Variants in TENM2 observed in about 807,000 individuals in gnomAD.
TENM2 encodes the protein teneurin-2.
A neutral mutation model predicts 245.2 loss-of-function variants in TENM2; 52 were observed. The ratio of observed to expected loss-of-function variants is 0.21; its 90% confidence interval spans 0.17 to 0.27. The LOEUF (loss-of-function observed/expected upper bound fraction) is 0.27, where lower values mean the gene tolerates loss of function less well. Ranked by LOEUF, TENM2 falls within the 10% of genes least tolerant of loss-of-function variation. The pLI is 1.00. For missense variants in TENM2, 3,046 were observed against 3,666.8 expected, an observed-to-expected ratio of 0.83 and a Z score of 4.37; for synonymous variants, 1,363 against 1,438.9, an observed-to-expected ratio of 0.95 and a Z score of 1.19.
At chr5:168,001,256 G>A (rs903639500) in intron 5 of TENM2, among the ~76,000 whole-genome samples, 1 of 152,170 alleles carries the variant, frequency 6.6e-6, no homozygotes, top group African/African-American at 2.4e-5. Context: ...TGGTTAGGGG[G>A]CCATGTAAGC....
At chr5:167,754,523 T>C (rs1762162684) in intron 2 of TENM2, among the ~76,000 whole-genome samples, 1 of 152,074 alleles carries the variant, frequency 6.6e-6, no homozygotes, top group Admixed American at 6.5e-5. Flanking sequence ...GCGCACATGG[T>C]TTCAAATAAG....
At chr5:167,184,727 C>G in the TENM2 span, among the ~76,000 whole-genome samples, 7 of 152,044 alleles carry the variant, frequency 4.6e-5, no homozygotes, top group East Asian at 1.4e-3. Context: ...TGCTGCCTGA[C>G]CTACACTGAT....
intron 2 of TENM2, among the ~76,000 whole-genome samples, chr5:167,607,224 AC>A (rs1777119188): frequency 6.6e-6 from 1 of 152,122 alleles, no homozygotes; most frequent in African/African-American, 2.4e-5. Flanking sequence ...CAATATGGTG[AC>A]AAATGGCAGC....
At chr5:168,259,227 G>A (rs1305754152) in intron 27 of TENM2, among the ~76,000 whole-genome samples, 2 of 152,156 alleles carry the variant, frequency 1.3e-5, no homozygotes, top group African/African-American at 4.8e-5. Context: ...AGGACTTGAT[G>A]TTGGCCTGTG....
the TENM2 span, among the ~76,000 whole-genome samples, chr5:167,085,148 A>G: frequency 1.3e-5 from 2 of 152,220 alleles, no homozygotes; most frequent in African/African-American, 4.8e-5. Flanking sequence ...AAATTTGAAT[A>G]TGCTCTGAAG....
chr5:168,105,378 G>C (rs1794159584), intron 9 of TENM2, among the ~76,000 whole-genome samples: 5 of 152,116 alleles, frequency 3.3e-5, no homozygotes, highest in Admixed American at 3.3e-4. Context: ...AAAAGGCATG[G>C]GGGTATTTTA....
chr5:167,258,424 G>A, the TENM2 span, among the ~76,000 whole-genome samples: 6 of 151,920 alleles, frequency 3.9e-5, no homozygotes, highest in Non-Finnish European at 5.9e-5. Flanking sequence ...CAGATGCTGT[G>A]GTAAATGGTT....
chr5:167,004,937 C>T, the TENM2 span, among the ~76,000 whole-genome samples: 2 of 152,220 alleles, frequency 1.3e-5, no homozygotes, highest in South Asian at 4.1e-4. Context: ...TTTGAACTGA[C>T]TTTACTTTCC....
the TENM2 span, among the ~76,000 whole-genome samples, chr5:167,070,487 G>T: frequency 6.6e-6 from 1 of 151,814 alleles, no homozygotes; most frequent in Non-Finnish European, 1.5e-5. Context: ...TGACAGTTTG[G>T]AAAGTAGTGG....
intron 1 of TENM2, among the ~76,000 whole-genome samples, chr5:167,325,077 T>C (rs980619258): frequency 2.0e-5 from 3 of 152,164 alleles, no homozygotes; most frequent in African/African-American, 7.2e-5. Flanking sequence ...TCTTTTAATC[T>C]CTTAAACTGA....
At chr5:167,543,316 C>T (rs1772336887) in intron 2 of TENM2, among the ~76,000 whole-genome samples, 1 of 152,062 alleles carries the variant, frequency 6.6e-6, no homozygotes, top group African/African-American at 2.4e-5. Context: ...ATCTGTGACA[C>T]CTTCTATTGG....
intron 2 of TENM2, among the ~76,000 whole-genome samples, chr5:167,417,596 C>G (rs1763236244): frequency 6.6e-6 from 1 of 152,132 alleles, no homozygotes; most frequent in Admixed American, 6.6e-5. Flanking sequence ...GTGCCAGGTA[C>G]TGTGCTAAGT....
the TENM2 span, among the ~76,000 whole-genome samples, chr5:167,237,310 T>G: frequency 1.3e-5 from 2 of 152,202 alleles, no homozygotes; most frequent in East Asian, 3.9e-4. Context: ...GTCTTGCATT[T>G]GGAATATTCA....
intron 25 of TENM2, among the ~76,000 whole-genome samples, chr5:168,238,258 A>AGAGAAG (rs1765753147): frequency 6.9e-6 from 1 of 145,604 alleles, no homozygotes; most frequent in African/African-American, 2.7e-5. Flanking sequence ...AGAAAAGAAA[A>AGAGAAG]GAAAAGAAAA....
At chr5:167,251,497 G>A in the TENM2 span, among the ~76,000 whole-genome samples, 1 of 152,114 alleles carries the variant, frequency 6.6e-6, no homozygotes, top group Non-Finnish European at 1.5e-5. Context: ...AATTAGGCAA[G>A]GGCAAGCAGT....
chr5:167,008,366 G>A, the TENM2 span, among the ~76,000 whole-genome samples: 1 of 152,116 alleles, frequency 6.6e-6, no homozygotes, highest in Non-Finnish European at 1.5e-5. Context: ...TCTAAAAAGG[G>A]GGCAGCAGTT....
chr5:167,202,162 T>C, the TENM2 span, among the ~76,000 whole-genome samples: 7 of 152,148 alleles, frequency 4.6e-5, no homozygotes, highest in Non-Finnish European at 1.0e-4. Context: ...CTCTTAAAAA[T>C]TTCTTGGATT....
chr5:167,746,578 T>G (rs1438132186), intron 2 of TENM2, among the ~76,000 whole-genome samples: 1 of 152,000 alleles, frequency 6.6e-6, no homozygotes, highest in African/African-American at 2.4e-5. Flanking sequence ...TTCAATTATT[T>G]AAGAATCTGT....
chr5:167,391,622 CAAAAA>C (rs56202184), intron 2 of TENM2, among the ~76,000 whole-genome samples: 20 of 53,498 alleles, frequency 3.7e-4, no homozygotes, highest in Admixed American at 2.9e-3. Context: ...AAGACTTCAT[CAAAAA>C]AAAAAAAAAA....
Sources: allele counts gnomAD v4.1 joint callset (sites outside exome capture counted in the v4.1 genomes callset), GRCh38; gene constraint gnomAD v4.1.1; transcripts MANE v1.5; gene names NCBI Gene and HGNC (gene_info 2026-07-23, HGNC 2026-07-21).